LHFPL3: variants seen among roughly 807,000 people sequenced by gnomAD.
LHFPL3 encodes the protein LHFPL tetraspan subfamily member 3 protein.
LHFPL3 carries 5 observed loss-of-function variants against 19.3 expected under a neutral mutation model. That is an observed-to-expected ratio of 0.26 (90% CI 0.14 to 0.54). The LOEUF is 0.54. Among genes scored for constraint, LHFPL3 ranks in the 20% least tolerant of loss-of-function variants. The probability of loss-of-function intolerance (pLI) is 0.94; values close to 1 mark genes in which losing one functional copy is unlikely to be tolerated. For synonymous variants in LHFPL3, 133 were observed against 126.2 expected, an observed-to-expected ratio of 1.05 and a Z score of -0.36; for missense variants, 249 against 307.4, an observed-to-expected ratio of 0.81 and a Z score of 1.42.
chr7:104,695,841 G>A (rs1350710689), intron 1 of LHFPL3, among the ~76,000 whole-genome samples: 1 of 152,210 alleles, frequency 6.6e-6, no homozygotes, highest in Non-Finnish European at 1.5e-5. Flanking sequence ...AATAGCTGTA[G>A]CAGAAAGAGA....
chr7:104,546,316 G>A (rs1185001056), intron 1 of LHFPL3, among the ~76,000 whole-genome samples: 2 of 152,076 alleles, frequency 1.3e-5, no homozygotes, highest in Non-Finnish European at 2.9e-5. Context: ...TGAATCCATA[G>A]CAATATATTT....
chr7:104,813,840 G>A (rs760993780), intron 2 of LHFPL3, among the ~76,000 whole-genome samples: 2 of 152,244 alleles, frequency 1.3e-5, no homozygotes, highest in Non-Finnish European at 2.9e-5. Context: ...CCTCAAAGAA[G>A]GAGTCATAGC....
At chr7:104,371,880 A>G (rs896540845) in intron 1 of LHFPL3, among the ~76,000 whole-genome samples, 4 of 152,232 alleles carry the variant, frequency 2.6e-5, no homozygotes, top group African/African-American at 7.2e-5. Context: ...TATGAGATAC[A>G]TATTTTCCCT....
intron 2 of LHFPL3, 74 bp downstream of exon 2, chr7:104,736,985 C>A: frequency 8.6e-7 from 1 of 1,165,684 alleles, no homozygotes; most frequent in Non-Finnish European, 1.2e-6. Context: ...TCTTTCCCCT[C>A]AAATACTAGT....
intron 1 of LHFPL3, among the ~76,000 whole-genome samples, chr7:104,521,377 C>A (rs1794058636): frequency 6.6e-6 from 1 of 152,042 alleles, no homozygotes; most frequent in Non-Finnish European, 1.5e-5. Context: ...AGTATATGGT[C>A]AATTTTTGAA....
intron 1 of LHFPL3, among the ~76,000 whole-genome samples, chr7:104,457,135 A>G (rs1792558691): frequency 6.6e-6 from 1 of 152,138 alleles, no homozygotes; most frequent in South Asian, 2.1e-4. Flanking sequence ...TATTATTATT[A>G]TACTTCAAGT....
chr7:104,846,334 G>T (rs1453376580), intron 2 of LHFPL3, among the ~76,000 whole-genome samples: 4 of 152,198 alleles, frequency 2.6e-5, no homozygotes, highest in Admixed American at 6.5e-5. Context: ...CAATTTCACT[G>T]AAGTTTCTGT....
chr7:104,478,458 G>A (rs140342785), intron 1 of LHFPL3, among the ~76,000 whole-genome samples: 3,284 of 152,138 alleles, frequency 0.022, 48 homozygotes, highest in Middle Eastern at 0.044. Context: ...CATTCACATG[G>A]ACCCAGAAAG....
At chr7:104,883,296 A>G (rs763131629) in intron 2 of LHFPL3, among the ~76,000 whole-genome samples, 1 of 152,220 alleles carries the variant, frequency 6.6e-6, no homozygotes, top group Non-Finnish European at 1.5e-5. Flanking sequence ...CAAAGAGTTC[A>G]TATTGGAGGA....
intron 2 of LHFPL3, chr7:104,785,371 G>A (rs2116432840): frequency 6.6e-6 from 1 of 152,238 alleles, no homozygotes; most frequent in African/African-American, 2.4e-5. Context: ...CCAGAATAGA[G>A]CCTAGAGCTT....
At chr7:104,360,946 G>A (rs149740345) in intron 1 of LHFPL3, among the ~76,000 whole-genome samples, 3 of 152,260 alleles carry the variant, frequency 2.0e-5, no homozygotes, top group East Asian at 3.9e-4. Context: ...ATGCAAAAGC[G>A]GAGCTAAGAA....
chr7:104,518,207 C>G (rs1562923080), intron 1 of LHFPL3, among the ~76,000 whole-genome samples: 1 of 152,046 alleles, frequency 6.6e-6, no homozygotes, highest in African/African-American at 2.4e-5. Context: ...TTGTATACTA[C>G]TAACAGTAAG....
intron 1 of LHFPL3, among the ~76,000 whole-genome samples, chr7:104,411,741 G>A (rs1791538989): frequency 6.6e-6 from 1 of 152,026 alleles, no homozygotes; most frequent in Admixed American, 6.5e-5. Flanking sequence ...TTCAAAGAAG[G>A]GTAGTATTGA....
chr7:104,748,064 T>A (rs1794084809), intron 2 of LHFPL3, among the ~76,000 whole-genome samples: 1 of 151,896 alleles, frequency 6.6e-6, no homozygotes, highest in South Asian at 2.1e-4. Flanking sequence ...CCCAACCCCG[T>A]GCTCTCTGAA....
intron 1 of LHFPL3, among the ~76,000 whole-genome samples, chr7:104,366,087 A>T (rs1790490717): frequency 6.6e-6 from 1 of 152,178 alleles, no homozygotes; most frequent in South Asian, 2.1e-4. Flanking sequence ...GCTTAGGAGA[A>T]AAACAGAAGA....
chr7:104,755,964 G>A (rs1794278073), intron 2 of LHFPL3, among the ~76,000 whole-genome samples: 1 of 152,120 alleles, frequency 6.6e-6, no homozygotes, highest in South Asian at 2.1e-4. Context: ...CAAAGTGCTG[G>A]GATTACAGGT....
At chr7:104,558,464 G>A (rs1304038116) in intron 1 of LHFPL3, among the ~76,000 whole-genome samples, 1 of 152,116 alleles carries the variant, frequency 6.6e-6, no homozygotes, top group Non-Finnish European at 1.5e-5. Flanking sequence ...TTTTTTGGCT[G>A]CACAAATGTC....
intron 1 of LHFPL3, among the ~76,000 whole-genome samples, chr7:104,580,660 A>G (rs1391768934): frequency 2.0e-5 from 3 of 152,084 alleles, no homozygotes; most frequent in Non-Finnish European, 4.4e-5. Flanking sequence ...AAAGATATAG[A>G]ACATTTCCAT....
chr7:104,360,083 AG>A (rs1324030334), intron 1 of LHFPL3, among the ~76,000 whole-genome samples: 1 of 152,248 alleles, frequency 6.6e-6, no homozygotes, highest in Non-Finnish European at 1.5e-5. Flanking sequence ...CATGGTAACA[AG>A]GATTTTCAGC....
Sources: gnomAD v4.1 joint callset for allele counts (sites outside exome capture counted in the v4.1 genomes callset) on GRCh38, gnomAD v4.1.1 for gene constraint, MANE v1.5 for transcripts, NCBI Gene and HGNC (gene_info 2026-07-23, HGNC 2026-07-21) for gene names.